TMEM114: variants seen among roughly 807,000 people sequenced by gnomAD.
TMEM114 encodes transmembrane protein 114, also known as claudin-26.
In TMEM114, 6 loss-of-function variants were observed where a neutral mutation model predicts 6.2. The ratio of observed to expected loss-of-function variants is 0.97; its 90% CI spans 0.53 to 1.91. TMEM114 has a LOEUF of 1.91. Among genes scored for constraint, TMEM114 ranks in the 40% most tolerant of loss-of-function variants. TMEM114 has a pLI of 0.01. For synonymous variants in TMEM114, 104 were observed against 73.0 expected (o/e 1.42, Z -2.16); for missense variants, 218 against 158.3 (o/e 1.38, Z -2.02).
At chr16:8,585,914 A>G (rs139680474) in intron 2 of TMEM114, among the ~76,000 whole-genome samples, 82 of 152,288 alleles carry the variant, frequency 5.4e-4, no homozygotes, top group African/African-American at 1.8e-3. Flanking sequence ...CCACATGCCT[A>G]CTTGGTGGTG....
At chr16:8,572,763 C>T (rs917849946) in intron 2 of TMEM114, among the ~76,000 whole-genome samples, 1 of 152,120 alleles carries the variant, frequency 6.6e-6, no homozygotes, top group South Asian at 2.1e-4. Flanking sequence ...AGAGAGAAGC[C>T]GCAATGCAGA....
chr16:8,569,136 C>G (rs72780536), downstream of TMEM114, among the ~76,000 whole-genome samples: 4,746 of 152,222 alleles, frequency 0.031, 130 homozygotes, highest in South Asian at 0.11. Flanking sequence ...GATGGGGAGC[C>G]CATTCCCAGG....
chr16:8,561,797 T>C (rs536000516), intron 2 of TMEM114, among the ~76,000 whole-genome samples: 1 of 143,666 alleles, frequency 7.0e-6, no homozygotes, highest in African/African-American at 2.6e-5. Flanking sequence ...CAGTGAATAG[T>C]GAATGAGTGA....
the TMEM114 span, among the ~76,000 whole-genome samples, chr16:8,531,339 T>G: frequency 6.6e-6 from 1 of 152,240 alleles, no homozygotes; most frequent in Non-Finnish European, 1.5e-5. Flanking sequence ...TCATATTCAT[T>G]AATGCCTAAA....
At chr16:8,563,628 A>T (rs1387128995) in intron 2 of TMEM114, among the ~76,000 whole-genome samples, 2 of 147,626 alleles carry the variant, frequency 1.4e-5, no homozygotes, top group Non-Finnish European at 2.9e-5. Flanking sequence ...TGAATGAGTG[A>T]GTGAATGAGT....
chr16:8,573,393 G>A (rs981761284), intron 2 of TMEM114, among the ~76,000 whole-genome samples: 1 of 152,122 alleles, frequency 6.6e-6, no homozygotes, highest in African/African-American at 2.4e-5. Context: ...AACAGTCAAA[G>A]ATAAATAATA....
At chr16:8,549,835 T>C (rs1202483566) in intron 2 of TMEM114, among the ~76,000 whole-genome samples, 4 of 152,078 alleles carry the variant, frequency 2.6e-5, no homozygotes, top group African/African-American at 4.8e-5. Context: ...TTGATATATA[T>C]AAAAGGGAAT....
intron 2 of TMEM114, among the ~76,000 whole-genome samples, chr16:8,563,107 GA>G (rs1901336954): frequency 6.6e-6 from 1 of 151,104 alleles, no homozygotes; most frequent in East Asian, 1.9e-4. Flanking sequence ...GGGAGGGAAT[GA>G]GTGAGTGAAT....
intron 2 of TMEM114, among the ~76,000 whole-genome samples, chr16:8,540,522 T>C (rs1378801711): frequency 5.9e-5 from 9 of 152,252 alleles, no homozygotes; most frequent in Admixed American, 5.2e-4. Flanking sequence ...ATTACTGTTA[T>C]AATAGCACCC....
At chr16:8,554,046 T>C (rs2141661708) in intron 2 of TMEM114, among the ~76,000 whole-genome samples, 1 of 152,132 alleles carries the variant, frequency 6.6e-6, no homozygotes, top group East Asian at 1.9e-4. Context: ...ACCCAGTTAA[T>C]TTTTGTGTTT....
At chr16:8,559,396 A>G (rs1901128639) in intron 2 of TMEM114, among the ~76,000 whole-genome samples, 1 of 141,976 alleles carries the variant, frequency 7.0e-6, no homozygotes, top group Non-Finnish European at 1.5e-5. Context: ...ATCAGGACCA[A>G]CGTCCCAGCT....
intron 2 of TMEM114, among the ~76,000 whole-genome samples, chr16:8,559,359 C>T (rs565166187): frequency 1.4e-4 from 22 of 152,286 alleles, no homozygotes; most frequent in African/African-American, 4.1e-4. Context: ...CCACCCAGTT[C>T]TGAGACTAGC....
At chr16:8,542,883 T>A (rs935110261) in intron 2 of TMEM114, among the ~76,000 whole-genome samples, 1 of 152,150 alleles carries the variant, frequency 6.6e-6, no homozygotes, top group Non-Finnish European at 1.5e-5. Context: ...CAGATTGAAA[T>A]GCCAGAATGT....
At chr16:8,571,335 G>C (rs1311082495) in intron 3 of TMEM114, among the ~76,000 whole-genome samples, 1 of 151,952 alleles carries the variant, frequency 6.6e-6, no homozygotes. Flanking sequence ...ATGTATTTAC[G>C]GTACACAGCA....
intron 2 of TMEM114, among the ~76,000 whole-genome samples, chr16:8,562,908 GTGAA>G (rs1901316951): frequency 8.0e-6 from 1 of 124,988 alleles, no homozygotes; most frequent in Non-Finnish European, 1.8e-5. Flanking sequence ...GAATGAGTGA[GTGAA>G]TGAGTAAATG....
chr16:8,556,856 C>T (rs1209586163), intron 2 of TMEM114, among the ~76,000 whole-genome samples: 2 of 152,138 alleles, frequency 1.3e-5, no homozygotes, highest in African/African-American at 4.8e-5. Flanking sequence ...TGTATTTTAT[C>T]ACAATTTTTT....
chr16:8,555,931 C>G (rs564672698), intron 2 of TMEM114, among the ~76,000 whole-genome samples: 4 of 152,184 alleles, frequency 2.6e-5, no homozygotes, highest in South Asian at 2.1e-4. Flanking sequence ...CTCCAACTGC[C>G]TCTTGGACGT....
chr16:8,539,392 C>A (rs942726003), intron 2 of TMEM114, among the ~76,000 whole-genome samples: 1 of 152,150 alleles, frequency 6.6e-6, no homozygotes, highest in Non-Finnish European at 1.5e-5. Context: ...TTGCCCCTGG[C>A]CCGAGTGACT....
intron 2 of TMEM114, among the ~76,000 whole-genome samples, chr16:8,544,800 T>A (rs1285278033): frequency 6.6e-6 from 1 of 152,214 alleles, no homozygotes; most frequent in Admixed American, 6.5e-5. Flanking sequence ...TTCAACCCAA[T>A]CAAATTTACA....
Sources: allele counts gnomAD v4.1 joint callset (sites outside exome capture counted in the v4.1 genomes callset), GRCh38; gene constraint gnomAD v4.1.1; transcripts MANE v1.5; gene names NCBI Gene and HGNC (gene_info 2026-07-23, HGNC 2026-07-21).